The following HDGFL2 variants were observed in gnomAD, a reference collection of about 807,000 sequenced individuals.
HDGFL2 encodes the protein HDGF like 2.
A neutral mutation model predicts 77.1 loss-of-function variants in HDGFL2; 36 were observed. That is an observed-to-expected ratio of 0.47 (90% confidence interval 0.36 to 0.62). The LOEUF (loss-of-function observed/expected upper bound fraction) is 0.62, where lower values mean the gene tolerates loss of function less well. HDGFL2 is among the 20% of genes least tolerant of loss of function. The pLI, the probability that HDGFL2 is intolerant of heterozygous loss-of-function variation, is 0.00. For synonymous variants in HDGFL2, 463 were observed against 413.1 expected, an observed-to-expected ratio of 1.12 and a Z score of -1.46; for missense variants, 976 against 973.4, an observed-to-expected ratio of 1.00 and a Z score of -0.04.
intron 9 of HDGFL2, among the ~76,000 whole-genome samples, chr19:4,495,215 G>GTC (rs1404906611): frequency 6.6e-6 from 1 of 151,814 alleles, no homozygotes; most frequent in Non-Finnish European, 1.5e-5. Context: ...GTGAAACCCT[G>GTC]TCTCTACTAA....
At position 4,484,666 on chromosome 19, in the gene HDGFL2, A is replaced by ATTTTTTTTTTTT. The variant is rs71168907; in HGVS notation, c.289-3998_289-3987dup. On this transcript the variant is annotated intron_variant, in intron 3 of 15. Coordinates refer to ENST00000616600, the MANE Select transcript of HDGFL2 (RefSeq NM_001001520.3). ...AGGCACCCGCCATCACGCCTGGCTA[A>ATTTTTTTTTTTT]TTTTTTTTTTTTTTTTTTTTTTTGA... is the stretch of plus-strand genomic sequence containing the variant. Among the ~76,000 whole-genome samples, 10 of 74,114 alleles carry ATTTTTTTTTTTT rather than the reference A, an allele frequency of 1.3e-4. 2 individuals carry two copies. The highest frequency in any genetic ancestry group is 1.7e-4 in the African/African-American group (3 of 17,494). The allele number at this position is 74,114 out of a possible 152,430, so 48.6% of individuals were successfully genotyped here.
intron 3 of HDGFL2, 38 bp downstream of exon 3, chr19:4,475,621 T>C (rs776999763): frequency 3.3e-6 from 5 of 1,535,742 alleles, no homozygotes; most frequent in Non-Finnish European, 4.4e-6. Flanking sequence ...TGAAGCGCGC[T>C]ACTGATGCAA....
At chr19:4,491,455 C>T (rs1975509773) in intron 4 of HDGFL2, 111 bp from the exon 5 acceptor site, 5 of 859,482 alleles carry the variant, frequency 5.8e-6, no homozygotes, top group Non-Finnish European at 9.5e-6. Flanking sequence ...TCCTGGCCCG[C>T]CAGAGAGGTT....
intron 3 of HDGFL2, among the ~76,000 whole-genome samples, chr19:4,486,067 A>C (rs1404024030): frequency 5.3e-5 from 8 of 150,798 alleles, no homozygotes; most frequent in Admixed American, 1.3e-4. Context: ...AAAAAAAAAA[A>C]AAAACAACAA....
intron 11 of HDGFL2, 134 bp downstream of exon 11, chr19:4,498,165 T>C: frequency 8.8e-7 from 1 of 1,133,790 alleles, no homozygotes; most frequent in Non-Finnish European, 1.3e-6. Context: ...TGGCCGGCGG[T>C]GCCTCCAGGG....
At chr19:4,478,197 GT>G (rs113038095) in intron 3 of HDGFL2, among the ~76,000 whole-genome samples, 69,922 of 140,314 alleles carry the variant, frequency 0.5, 17,296 homozygotes, top group African/African-American at 0.6. Context: ...GGATGCTGCT[GT>G]TTTTTTTTTT....
intron 10 of HDGFL2, chr19:4,497,713 C>A: frequency 1.8e-6 from 1 of 547,676 alleles, no homozygotes; most frequent in South Asian, 2.3e-5. Flanking sequence ...GGAAAAGAAT[C>A]CTGGGATTTC....
chr19:4,493,596 C>G, intron 6 of HDGFL2, 107 bp from the exon 7 acceptor site: 1 of 1,277,774 alleles, frequency 7.8e-7, no homozygotes, highest in Non-Finnish European at 1.0e-6. Context: ...AGCCGAGGCC[C>G]GCAGAGCCTG....
chr19:4,482,722 A>C (rs961081685), intron 3 of HDGFL2, among the ~76,000 whole-genome samples: 6 of 152,094 alleles, frequency 3.9e-5, no homozygotes, highest in Admixed American at 2.0e-4. Flanking sequence ...ATCTGCAGTT[A>C]CTCGCTGTGT....
intron 3 of HDGFL2, among the ~76,000 whole-genome samples, chr19:4,486,051 T>C (rs1453838637): frequency 2.5e-4 from 21 of 82,366 alleles, no homozygotes; most frequent in African/African-American, 1.1e-3. Flanking sequence ...AGACCCCGTC[T>C]CAAAAAAAAA....
At chr19:4,483,760 A>G (rs1975283564) in intron 3 of HDGFL2, among the ~76,000 whole-genome samples, 1 of 149,980 alleles carries the variant, frequency 6.7e-6, no homozygotes, top group East Asian at 1.9e-4. Context: ...TCATCACACC[A>G]GGAGAATGGG....
chr19:4,481,479 C>T (rs1373270652), intron 3 of HDGFL2, among the ~76,000 whole-genome samples: 3 of 151,256 alleles, frequency 2.0e-5, no homozygotes, highest in African/African-American at 4.9e-5. Context: ...CTTGAGCCAC[C>T]GCGCCCGGCC....
intron 3 of HDGFL2, among the ~76,000 whole-genome samples, chr19:4,479,871 A>C (rs1382378092): frequency 6.7e-6 from 1 of 149,010 alleles, no homozygotes; most frequent in South Asian, 2.1e-4. Flanking sequence ...CTGCCACTGC[A>C]CTCCAGCCTG....
rs34068770 is a variant in HDGFL2, at chr19:4,499,635, A to AAGCTGGCCGGGGAGG, written c.1738_1752dup (p.Leu580_Glu584dup). 7.1e-3 allele frequency: 11,318 copies of AAGCTGGCCGGGGAGG among 1,589,982 alleles called. 65 individuals are homozygous for AAGCTGGCCGGGGAGG. Among genetic ancestry groups the AAGCTGGCCGGGGAGG allele is most frequent in the Middle Eastern group, 0.011 (69 of 6,038 alleles). On this transcript the variant is annotated inframe_insertion, in exon 14 of 16. Transcript: ENST00000616600. ...GATGGAGAAGGAGAAGGCCGAGGAG[A>AAGCTGGCCGGGGAGG]AGCTGGCCGGGGAGGAGCTGGCCGG... is the stretch of plus-strand genomic sequence containing the variant.
At chr19:4,488,532 G>C (rs939194265) in intron 3 of HDGFL2, 144 bp from the exon 4 acceptor site, 1 of 745,104 alleles carries the variant, frequency 1.3e-6, no homozygotes, top group Non-Finnish European at 2.2e-6. Context: ...TCTGGGCCTC[G>C]GTTTCCCCAT....
chr19:4,476,093 T>G (rs908051500), intron 3 of HDGFL2, among the ~76,000 whole-genome samples: 1 of 151,366 alleles, frequency 6.6e-6, no homozygotes. Flanking sequence ...GGTTTCACTG[T>G]GTTAGCCAGG....
In HDGFL2 at chr19:4,472,413, G is replaced by A; in HGVS notation, c.63G>A (p.Trp21Ter). The A allele has an allele frequency of 6.8e-7, 1 of 1,463,634 alleles. No individual in the cohort carries two copies. The highest frequency in any genetic ancestry group is 2.9e-5 in the East Asian group (1 of 34,854). The allele number at this position is 1,463,634 out of a possible 1,614,324, so 90.7% of individuals were successfully genotyped here. ...VFAKMKGYPH[W>*]PARIDDIADG... Reference sequence around the variant, plus strand: ...CTAAGATGAAGGGCTACCCTCACTGGCCTGCCAGGGTGAGGCCGCGCGGGA... The same window carrying A: ...CTAAGATGAAGGGCTACCCTCACTGACCTGCCAGGGTGAGGCCGCGCGGGA... Residue 21 changes from tryptophan (W) to a stop codon, truncating the protein, a stop_gained, in exon 1 of 16, where the codon TGG (tryptophan) becomes TGA (stop). Transcript: ENST00000616600. LOFTEE classifies it high-confidence loss of function.
Position 4,494,266 on chromosome 19 carries a change from C to T in HDGFL2, c.1015C>T (p.Leu339=). ...ARRRREQEEE[L]RRLREQEKEE... ...GCGGCGGCGAGAGCAGGAGGAGGAG[C>T]TGCGGCGCCTGCGGGAGCAGGAGAA... The change falls in exon 9 of 16, where the codon CTG becomes TTG. Residue 339 remains leucine, a synonymous_variant. Transcript: ENST00000616600. 1.4e-6 allele frequency: 2 copies of T among 1,453,396 alleles called. No homozygotes were observed. The highest frequency in any genetic ancestry group is 2.7e-5 in the East Asian group (1 of 36,740). The allele number at this position is 1,453,396 out of a possible 1,614,324, so 90.0% of individuals were successfully genotyped here.
At position 4,484,034 on chromosome 19, in the gene HDGFL2, C is replaced by T. The variant is rs184460348; in HGVS notation, c.289-4642C>T. Reference sequence around the variant, plus strand: ...TTGATCTCCTGACCTCGTGATCTGCCTGCCTTGGCCTCCCAAAGTGTTGGG... The same window carrying T: ...TTGATCTCCTGACCTCGTGATCTGCTTGCCTTGGCCTCCCAAAGTGTTGGG... On this transcript the variant is annotated intron_variant, in intron 3 of 15. Transcript: ENST00000616600. 6.7e-4 allele frequency among the ~76,000 whole-genome samples: 101 copies of T among 151,380 alleles called. No individual in the cohort carries two copies. In the Middle Eastern group the frequency reaches 0.014, roughly 21 times the overall value.
Sources: allele counts gnomAD v4.1 joint callset (sites outside exome capture counted in the v4.1 genomes callset), GRCh38; gene constraint gnomAD v4.1.1; transcripts MANE v1.5; gene names NCBI Gene and HGNC (gene_info 2026-07-23, HGNC 2026-07-21).